The following UBA3 variants were observed in gnomAD, a reference collection of about 807,000 sequenced individuals.
UBA3 encodes the protein NEDD8-activating enzyme E1 catalytic subunit.
In UBA3, 26 loss-of-function variants were observed where a neutral mutation model predicts 73.5. The observed-to-expected ratio is 0.35, with a 90% CI of 0.26 to 0.49. The LOEUF (loss-of-function observed/expected upper bound fraction) is 0.49. Ranked by LOEUF, UBA3 falls within the 20% of genes least tolerant of loss-of-function variation. The pLI is 0.98. For synonymous variants in UBA3, 217 were observed against 191.2 expected, an observed-to-expected ratio of 1.13 and a Z score of -1.11; for missense variants, 495 against 555.6, an observed-to-expected ratio of 0.89 and a Z score of 1.10.
At chr3:69,060,810 G>T (rs1200925284) in intron 11 of UBA3, among the ~76,000 whole-genome samples, 1 of 152,154 alleles carries the variant, frequency 6.6e-6, no homozygotes, top group Non-Finnish European at 1.5e-5. Flanking sequence ...GCAAGAGCTG[G>T]TTATTAAAAG....
chr3:69,068,165 T>C (rs1028019809), intron 5 of UBA3, among the ~76,000 whole-genome samples, 157 bp from the exon 6 acceptor site: 9 of 152,224 alleles, frequency 5.9e-5, no homozygotes, highest in Non-Finnish European at 1.2e-4. Flanking sequence ...TAATAACTTT[T>C]GGTAAACGGT....
intron 6 of UBA3, among the ~76,000 whole-genome samples, chr3:69,064,499 T>C (rs1039906997): frequency 2.6e-5 from 4 of 152,254 alleles, no homozygotes; most frequent in Admixed American, 2.6e-4. Flanking sequence ...ATGCACATTA[T>C]AGTTCCTATT....
At chr3:69,057,580 G>A (rs2091984974) in intron 11 of UBA3, among the ~76,000 whole-genome samples, 1 of 152,234 alleles carries the variant, frequency 6.6e-6, no homozygotes, top group African/African-American at 2.4e-5. Flanking sequence ...ACAATTTAGA[G>A]TATTATGTTC....
intron 11 of UBA3, among the ~76,000 whole-genome samples, chr3:69,059,570 G>A (rs368043335): frequency 3.3e-5 from 5 of 152,180 alleles, no homozygotes; most frequent in African/African-American, 4.8e-5. Flanking sequence ...CATCCCCGGC[G>A]TAGGAACTCG....
intron 11 of UBA3, among the ~76,000 whole-genome samples, chr3:69,060,488 A>G (rs370367213): frequency 6.6e-6 from 1 of 152,238 alleles, no homozygotes; most frequent in Admixed American, 6.5e-5. Context: ...TCAGAAGTCT[A>G]TTATCTAAAG....
chr3:69,068,035 TTC>T, intron 5 of UBA3, 27 bp from the exon 6 acceptor site: 1 of 1,398,560 alleles, frequency 7.2e-7, no homozygotes, highest in Non-Finnish European at 9.8e-7. Flanking sequence ...TAAATTATAA[TTC>T]ATATTATAAA....
chr3:69,067,845 C>T, intron 6 of UBA3, 83 bp downstream of exon 6: 1 of 1,025,984 alleles, frequency 9.7e-7, no homozygotes, highest in Non-Finnish European at 1.4e-6. Flanking sequence ...TCTTGCTTAT[C>T]TGTATTCTCT....
chr3:69,057,796 TA>T (rs2091986403), intron 11 of UBA3, among the ~76,000 whole-genome samples: 1 of 152,062 alleles, frequency 6.6e-6, no homozygotes, highest in East Asian at 1.9e-4. Flanking sequence ...ATTATTCCTG[TA>T]ACAGCTTCAG....
At chr3:69,065,739 G>A (rs1182487296) in intron 6 of UBA3, among the ~76,000 whole-genome samples, 1 of 151,968 alleles carries the variant, frequency 6.6e-6, no homozygotes, top group Non-Finnish European at 1.5e-5. Flanking sequence ...ACCACACCCA[G>A]CCATCTCTAT....
intron 11 of UBA3, among the ~76,000 whole-genome samples, chr3:69,059,375 T>G (rs1275318283): frequency 1.3e-5 from 2 of 152,304 alleles, no homozygotes; most frequent in South Asian, 4.1e-4. Flanking sequence ...GGATGTAAGA[T>G]AGTTTAAGTG....
At chr3:69,080,202 G>T (rs1334820331) in intron 1 of UBA3, 49 bp from the exon 2 acceptor site, 1 of 1,437,336 alleles carries the variant, frequency 7.0e-7, no homozygotes, top group East Asian at 2.3e-5. Flanking sequence ...CACACTGGGC[G>T]CCGCGAGGGG....
At chr3:69,063,552 T>C (rs746538693) in intron 7 of UBA3, 49 bp from the exon 8 acceptor site, 36 of 1,431,396 alleles carry the variant, frequency 2.5e-5, no homozygotes, top group Non-Finnish European at 3.2e-5. Flanking sequence ...TGTAGTTGCA[T>C]GATGATCTTT....
At position 69,062,086 on chromosome 3, in the gene UBA3, G is replaced by T. The variant is rs1175911744; in HGVS notation, c.787C>A (p.Pro263Thr). ...VRMLQWPKEQPFGEGVPLDGD... is the reference protein window; with the variant it reads ...VRMLQWPKEQTFGEGVPLDGD... ...AAATTAGGTTTATTACCTCCAAAAG[G>T]CTGCTCCTTAGGCCACTGCAACATC... Residue 263 changes from proline (P) to threonine (T), a missense_variant, in exon 10 of 18, where the codon CCT becomes ACT. Coordinates refer to ENST00000361055, the MANE Select transcript of UBA3 (RefSeq NM_003968.4). 2 of 1,605,238 alleles carry T rather than the reference G, an allele frequency of 1.2e-6. No homozygotes were observed. The highest frequency in any genetic ancestry group is 8.5e-7 in the Non-Finnish European group (1 of 1,174,516).
At chr3:69,079,088 GA>G (rs1335198583) in intron 2 of UBA3, among the ~76,000 whole-genome samples, 2 of 152,168 alleles carry the variant, frequency 1.3e-5, no homozygotes, top group African/African-American at 4.8e-5. Context: ...CATACGTTTT[GA>G]TGTCAGAGTT....
rs1219011417 is a variant in UBA3 at position 69,055,858 on chromosome 3, T to C, written c.1296A>G (p.Thr432=). Residue 432 remains threonine, a synonymous_variant, in exon 17 of 18, where the codon ACA becomes ACG. Transcript: ENST00000361055. ...TACCCTTATGTAAAATACCTTTCAA[T>C]GTTTTGGAGAGATTTGGCCTTGTTC... ...EERTRPNLSK[T]LKELGLVDGQ... The C allele has an allele frequency of 2.5e-6, 4 of 1,611,198 alleles. No homozygotes were observed. The Admixed American group carries it at 5.0e-5, about 20-fold the overall frequency.
Position 69,057,317 on chromosome 3 carries a change from A to C in UBA3, c.911-8T>G, listed in dbSNP as rs773799697. On this transcript the variant is annotated splice_region_variant and splice_polypyrimidine_tract_variant and intron_variant, in intron 11 of 17. Coordinates refer to ENST00000361055, the MANE Select transcript of UBA3 (RefSeq NM_003968.4). ...TGATTCTTTTTACTACCCCTGAAAA[A>C]ACATATCAATTAAAATATGGTCATT... 29 of 1,607,544 alleles carry C rather than the reference A, an allele frequency of 1.8e-5. No homozygotes were observed. The highest frequency in any genetic ancestry group is 2.2e-5 in the Non-Finnish European group (26 of 1,177,180).
chr3:69,079,605 T>C (rs2092200415), intron 2 of UBA3: 1 of 153,530 alleles, frequency 6.5e-6, no homozygotes, highest in Admixed American at 6.5e-5. Flanking sequence ...CAACAACCTC[T>C]TTCCAGATCT....
chr3:69,073,747 C>T (rs536292545), intron 4 of UBA3, among the ~76,000 whole-genome samples: 5 of 150,980 alleles, frequency 3.3e-5, no homozygotes, highest in African/African-American at 9.7e-5. Flanking sequence ...GCCACTCTCT[C>T]GCCTCAGCCT....
At chr3:69,074,425 A>C (rs2092147181) in intron 4 of UBA3, among the ~76,000 whole-genome samples, 1 of 152,240 alleles carries the variant, frequency 6.6e-6, no homozygotes, top group Non-Finnish European at 1.5e-5. Context: ...GACCACGATG[A>C]CATATAATCC....
Sources: allele counts gnomAD v4.1 joint callset (sites outside exome capture counted in the v4.1 genomes callset), GRCh38; gene constraint gnomAD v4.1.1; transcripts MANE v1.5; gene names NCBI Gene and HGNC (gene_info 2026-07-23, HGNC 2026-07-21).